Variants in EYS observed in about 807,000 individuals in gnomAD.
EYS encodes the protein EGF-like photoreceptor maintenance factor.
Under a neutral mutation model 282.1 loss-of-function variants are expected in EYS, and 250 were observed. That is an observed-to-expected ratio of 0.89 (90% CI 0.80 to 0.98). EYS has a LOEUF of 0.98. Ranked by LOEUF, EYS falls within the 50% of genes least tolerant of loss-of-function variation. The pLI is 0.00. For synonymous variants in EYS, 1,355 were observed against 1,282.9 expected, an observed-to-expected ratio of 1.06 and a Z score of -1.20; for missense variants, 4,016 against 3,709.0, an observed-to-expected ratio of 1.08 and a Z score of -2.15.
At chr6:64,462,750 C>T (rs978572554) in intron 26 of EYS, among the ~76,000 whole-genome samples, 1 of 151,754 alleles carries the variant, frequency 6.6e-6, no homozygotes, top group Non-Finnish European at 1.5e-5. Context: ...GGGTTGCTAG[C>T]CTTAACAAAT....
chr6:64,861,753 A>G (rs1766245334), intron 19 of EYS, among the ~76,000 whole-genome samples: 1 of 152,204 alleles, frequency 6.6e-6, no homozygotes, highest in South Asian at 2.1e-4. Context: ...GCTGTCATTC[A>G]TTTCACTTAT....
intron 29 of EYS, among the ~76,000 whole-genome samples, chr6:64,311,979 G>GTTTTTTTTTT (rs61332669): frequency 1.6e-4 from 22 of 139,950 alleles, no homozygotes; most frequent in African/African-American, 5.9e-4. Flanking sequence ...GCTGCAGAAG[G>GTTTTTTTTTT]TTTTTTTTTT....
At chr6:65,677,089 T>G (rs1768634060) in intron 1 of EYS, among the ~76,000 whole-genome samples, 1 of 138,818 alleles carries the variant, frequency 7.2e-6, no homozygotes, top group South Asian at 2.3e-4. Context: ...CCCATAGCTT[T>G]ATCACAGTCA....
chr6:65,544,217 C>T (rs16896830), intron 2 of EYS, among the ~76,000 whole-genome samples: 6,880 of 152,134 alleles, frequency 0.045, 468 homozygotes, highest in African/African-American at 0.14. Flanking sequence ...ATAGCAGTAG[C>T]TCATTACTCA....
intron 7 of EYS, among the ~76,000 whole-genome samples, chr6:65,393,649 C>A (rs999835589): frequency 1.3e-5 from 2 of 151,890 alleles, no homozygotes; most frequent in African/African-American, 4.8e-5. Context: ...AAACTGAAAA[C>A]CTTAGTTATA....
intron 5 of EYS, among the ~76,000 whole-genome samples, chr6:65,451,787 TTTC>T (rs1422102554): frequency 6.6e-6 from 1 of 151,998 alleles, no homozygotes; most frequent in African/African-American, 2.4e-5. Context: ...ATACTTTTTA[TTTC>T]TTTTTATTAA....
Position 64,611,263 on chromosome 6 carries a change from C to T in EYS, c.3684+6155G>A, listed in dbSNP as rs75212611. Among the ~76,000 whole-genome samples, 803 of 152,106 alleles carry T rather than the reference C, an allele frequency of 5.3e-3. 4 individuals are homozygous for T. The highest frequency in any genetic ancestry group is 8.1e-3 in the Non-Finnish European group (550 of 68,012). On this transcript the variant is annotated intron_variant, in intron 24 of 42. Coordinates refer to ENST00000503581, the MANE Select transcript of EYS (RefSeq NM_001142800.2). ...TCTCATTAGCAGTACTGAGCAAACC[C>T]TCAGGGTGGACTTCCACTATGTGGT...
At chr6:64,296,541 AATAT>A (rs1211614579) in intron 30 of EYS, among the ~76,000 whole-genome samples, 12 of 15,698 alleles carry the variant, frequency 7.6e-4, no homozygotes, top group African/African-American at 1.1e-3. Flanking sequence ...GTACTGGCAG[AATAT>A]ATATATATAT....
chr6:64,139,363 A>G (rs1025717523), intron 31 of EYS, among the ~76,000 whole-genome samples: 1 of 152,180 alleles, frequency 6.6e-6, no homozygotes, highest in African/African-American at 2.4e-5. Flanking sequence ...AAGAAGACAT[A>G]CATTCTAGTG....
At chr6:64,653,439 GA>G (rs1213431157) in intron 22 of EYS, among the ~76,000 whole-genome samples, 1 of 152,170 alleles carries the variant, frequency 6.6e-6, no homozygotes, top group African/African-American at 2.4e-5. Context: ...CAGTTATTGG[GA>G]ATATATTAGG....
chr6:64,303,815 T>C (rs1322037330), intron 30 of EYS, among the ~76,000 whole-genome samples: 1 of 108,612 alleles, frequency 9.2e-6, no homozygotes, highest in African/African-American at 3.8e-5. Context: ...CACTCCAGCC[T>C]GGGCGACAGA....
intron 29 of EYS, among the ~76,000 whole-genome samples, chr6:64,331,721 A>T (rs1770654358): frequency 6.6e-6 from 1 of 152,084 alleles, no homozygotes; most frequent in South Asian, 2.1e-4. Context: ...GCCATTTGTG[A>T]GCAATGTTTA....
At chr6:63,984,672 T>C in intron 34 of EYS, 69 bp from the exon 35 acceptor site, 1 of 1,194,026 alleles carries the variant, frequency 8.4e-7, no homozygotes, top group Non-Finnish European at 1.2e-6. Context: ...ATGTAGGATG[T>C]TTGGTTCTGT....
At chr6:64,792,811 G>A in intron 22 of EYS, among the ~76,000 whole-genome samples, 1 of 144,410 alleles carries the variant, frequency 6.9e-6, no homozygotes, top group East Asian at 2.1e-4. Flanking sequence ...TTCGGTCTCT[G>A]ACAATGTCAA....
intron 33 of EYS, among the ~76,000 whole-genome samples, chr6:64,039,051 C>T (rs777245953): frequency 6.6e-6 from 1 of 152,136 alleles, no homozygotes; most frequent in African/African-American, 2.4e-5. Flanking sequence ...ATGATCTGCC[C>T]GCCTTGGGCT....
intron 22 of EYS, among the ~76,000 whole-genome samples, chr6:64,764,045 G>A (rs937122954): frequency 9.2e-5 from 14 of 152,156 alleles, no homozygotes; most frequent in African/African-American, 2.9e-4. Context: ...ATTGAGGGCC[G>A]GAGGCTTTTC....
chr6:64,554,829 C>T (rs1396874837), intron 26 of EYS, among the ~76,000 whole-genome samples: 1 of 151,938 alleles, frequency 6.6e-6, no homozygotes. Context: ...TCCTCAGCTC[C>T]TCACAGCTGT....
chr6:65,059,241 A>G (rs1326678817), intron 12 of EYS, among the ~76,000 whole-genome samples: 1 of 152,140 alleles, frequency 6.6e-6, no homozygotes, highest in East Asian at 1.9e-4. Flanking sequence ...AAAAAGTTAA[A>G]CAATCAGGAA....
intron 22 of EYS, among the ~76,000 whole-genome samples, chr6:64,773,347 T>C (rs899067427): frequency 6.6e-6 from 1 of 151,886 alleles, no homozygotes; most frequent in Non-Finnish European, 1.5e-5. Flanking sequence ...TTCCATGGTA[T>C]ATATGTACAT....
Sources: gnomAD v4.1 joint callset for allele counts (sites outside exome capture counted in the v4.1 genomes callset) on GRCh38, gnomAD v4.1.1 for gene constraint, MANE v1.5 for transcripts, NCBI Gene and HGNC (gene_info 2026-07-23, HGNC 2026-07-21) for gene names.